KIF1C: variants seen among roughly 807,000 people sequenced by gnomAD.
KIF1C encodes the protein kinesin family member 1C, also known as kinesin-like protein KIF1C.
A neutral mutation model predicts 126.5 loss-of-function variants in KIF1C; 61 were observed. The ratio of observed to expected loss-of-function variants is 0.48; its 90% CI spans 0.39 to 0.60. The LOEUF is 0.60. KIF1C is among the 20% of genes least tolerant of loss of function. The probability of loss-of-function intolerance (pLI) is 0.00; values close to 1 mark genes in which losing one functional copy is unlikely to be tolerated. For synonymous variants in KIF1C, 640 were observed against 580.6 expected (o/e 1.10, Z -1.47); for missense variants, 1,315 against 1,489.2 (o/e 0.88, Z 1.93).
chr17:5,000,206 T>C lies in KIF1C; in HGVS notation c.-27-14T>C. 6.9e-7 allele frequency: 1 copy of C among 1,444,258 alleles called. No individual in the cohort carries two copies. Among genetic ancestry groups the C allele is most frequent in the South Asian group, 1.2e-5 (1 of 81,862 alleles). The allele number at this position is 1,444,258 out of a possible 1,614,324, so 89.5% of individuals were successfully genotyped here. The stretch of plus-strand genomic sequence containing the variant: ...AGTGGTTCTGACCCCACCACTCCTT[T>C]CTCTGTCCTCCAGCTGAGGAGGGCA... On this transcript the variant is annotated splice_polypyrimidine_tract_variant and intron_variant, in intron 2 of 22. Coordinates refer to ENST00000320785, the MANE Select transcript of KIF1C (RefSeq NM_006612.6).
Position 5,020,505 on chromosome 17 carries a change from G to A in KIF1C, c.1764G>A (p.Val588=). 1 of 1,613,442 alleles carries A rather than the reference G, an allele frequency of 6.2e-7. No individual in the cohort carries two copies. Among genetic ancestry groups the A allele is most frequent in the Non-Finnish European group, 8.5e-7 (1 of 1,179,660 alleles). The change falls in exon 20 of 23, where the codon GTG becomes GTA. Residue 588 remains valine (V), a synonymous_variant. Coordinates refer to ENST00000320785, the MANE Select transcript of KIF1C (RefSeq NM_006612.6). The surrounding 1 kb of genome is among the most constrained non-coding windows in gnomAD (Gnocchi z 5.8). ...PLVLKSGNRI[V]MGKNHVFRFN... ...TCCCATCTCTAGGGAATAGGATTGT[G>A]ATGGGCAAGAACCACGTTTTCCGCT... is the stretch of plus-strand genomic sequence containing the variant.
chr17:5,004,997 G>A lies in KIF1C; in HGVS notation c.1162G>A (p.Glu388Lys). The change falls in exon 13 of 23, where the codon GAA (glutamate) becomes AAA (lysine). Residue 388 changes from glutamate (E) to lysine (K), a missense_variant. Glu to Lys is a moderately conservative substitution (Grantham distance 56). This residue lies in a region of KIF1C where 874 missense variants were observed against 1,053.2 expected (regional missense o/e 0.83). Transcript: ENST00000320785. ...TCAGGGACTGTCAGCCTCTGCTCTG[G>A]AAGGTCGAGGTTCCAGGGAGGGGCA... is the stretch of plus-strand genomic sequence containing the variant. ...MAQGLSASAL[E>K]GLKTEEGSVR... 1.2e-6 allele frequency: 2 copies of A among 1,614,206 alleles called. No individual in the cohort carries two copies.
Position 5,024,357 on chromosome 17 carries a change from G to A in KIF1C, c.*206G>A, listed in dbSNP as rs1414109180. The A allele has an allele frequency of 2.2e-6, 1 of 459,028 alleles. No individual in the cohort carries two copies. The highest frequency in any genetic ancestry group is 3.8e-6 in the Non-Finnish European group (1 of 260,174). 28.4% of individuals were successfully genotyped at this position (459,028 alleles called of 1,614,324 possible). On this transcript the variant is annotated 3_prime_UTR_variant, in exon 23 of 23. Transcript: ENST00000320785. ...ACGGAGTTGCCAGGAGCAAACCAAA[G>A]TGAAGAGAGAGATAGGAAGCTGCCT...
intron 18 of KIF1C, among the ~76,000 whole-genome samples, chr17:5,016,913 A>G (rs1974982991): frequency 6.6e-6 from 1 of 151,996 alleles, no homozygotes; most frequent in Non-Finnish European, 1.5e-5. Flanking sequence ...CAAAAAAAAA[A>G]AAAAAAAGAC....
In KIF1C at chr17:5,012,467, T is replaced by C. The variant is rs144387838; in HGVS notation, c.1492-1186T>C. ...TGCTCAGGGGTCCGCTGAGTGGAAG[T>C]ACAGAGTCTGGGAGAGAGCCTGGGA... is the stretch of plus-strand genomic sequence containing the variant. On this transcript the variant is annotated intron_variant, in intron 16 of 22. Transcript: ENST00000320785. 3.5e-3 allele frequency among the ~76,000 whole-genome samples: 528 copies of C among 151,878 alleles called. 5 individuals are homozygous for C. Among genetic ancestry groups the C allele is most frequent in the African/African-American group, 0.012 (511 of 41,398 alleles).
At position 5,025,786 on chromosome 17, in the gene KIF1C, C is replaced by G. The variant is rs1453331821; in HGVS notation, c.*1635C>G. ...AGTGAGCTGAGATTGCGCCACTGCA[C>G]TCCAGCCTGGGCGACAGAGCGAGAC... is the stretch of plus-strand genomic sequence containing the variant. On this transcript the variant is annotated 3_prime_UTR_variant, in exon 23 of 23. Coordinates refer to ENST00000320785, the MANE Select transcript of KIF1C (RefSeq NM_006612.6). 2.0e-5 allele frequency: 3 copies of G among 152,248 alleles called. No homozygotes were observed. Among genetic ancestry groups the G allele is most frequent in the Non-Finnish European group, 2.9e-5 (2 of 68,078 alleles). 9.4% of individuals were successfully genotyped at this position (152,248 alleles called of 1,614,324 possible). A position where few individuals can be genotyped will look rare whatever the true frequency, so the allele number is the denominator to read the frequency against.
At position 5,024,428 on chromosome 17, in the gene KIF1C, T is replaced by C. The variant is rs1005090673; in HGVS notation, c.*277T>C. ...GGGGTGTGTCCCACAAACGCTGCTATGGGTGGGGTGGGGGGCTGGGGTGCT... is the reference window on the plus strand; with the variant it reads ...GGGGTGTGTCCCACAAACGCTGCTACGGGTGGGGTGGGGGGCTGGGGTGCT... On this transcript the variant is annotated 3_prime_UTR_variant, in exon 23 of 23. Transcript: ENST00000320785. The C allele has an allele frequency of 4.8e-6, 1 of 206,786 alleles. No homozygotes were observed. The highest frequency in any genetic ancestry group is 8.3e-6 in the Non-Finnish European group (1 of 120,404). 12.8% of individuals were successfully genotyped at this position (206,786 alleles called of 1,614,324 possible).
Position 5,028,339 on chromosome 17 carries a change from GT to G in KIF1C, c.*4194del, listed in dbSNP as rs1295657768. ...ATATGTTGGTTATTCTTTTAGACAT[GT>G]TTTTTGTTGTTGTTGTCACCTGGAA... is the stretch of plus-strand genomic sequence containing the variant. On this transcript the variant is annotated 3_prime_UTR_variant, in exon 23 of 23. Transcript: ENST00000320785. 1.3e-5 allele frequency: 2 copies of G among 152,062 alleles called. No homozygotes were observed. Among genetic ancestry groups the G allele is most frequent in the African/African-American group, 4.8e-5 (2 of 41,424 alleles). 9.4% of individuals were successfully genotyped at this position (152,062 alleles called of 1,614,324 possible). A position where few individuals can be genotyped will look rare whatever the true frequency, so the allele number is the denominator to read the frequency against.
At chr17:5,010,920 C>T (rs1398250065) in intron 16 of KIF1C, among the ~76,000 whole-genome samples, 1 of 151,588 alleles carries the variant, frequency 6.6e-6, no homozygotes. Context: ...ACGCCATTCT[C>T]CTGCCTCAGC....
At position 5,020,170 on chromosome 17, in the gene KIF1C, G is replaced by A. The variant is rs979697491; in HGVS notation, c.1750+91G>A. ...TCCTTCTGGGTGCATCCTAGAGGAG[G>A]ACCCTGAAATACATCAGAAATAGCA... On this transcript the variant is annotated intron_variant, in intron 19 of 22. Coordinates refer to ENST00000320785, the MANE Select transcript of KIF1C (RefSeq NM_006612.6). This position sits in a 1 kb window ranked among gnomAD's most constrained non-coding sequence, Gnocchi z 5.8. 2 of 947,532 alleles carry A rather than the reference G, an allele frequency of 2.1e-6. No individual in the cohort carries two copies. The highest frequency in any genetic ancestry group is 3.4e-6 in the Non-Finnish European group (2 of 595,896). 58.7% of individuals were successfully genotyped at this position (947,532 alleles called of 1,614,324 possible). A position where few individuals can be genotyped will look rare whatever the true frequency, so the allele number is the denominator to read the frequency against.
rs746348476 is a variant in KIF1C, at chr17:5,022,592, C to T, written c.2511C>T (p.Ile837=). ...AGGTGGAGGACCTCCGGGCCCACAT[C>T]GACAAGCTGACGGGGATTCTGCAGG... ...GAEVEDLRAH[I]DKLTGILQEV... Residue 837 remains isoleucine, a synonymous_variant, in exon 22 of 23, where the codon ATC becomes ATT. Transcript: ENST00000320785. The surrounding 1 kb of genome is among the most constrained non-coding windows in gnomAD (Gnocchi z 4.9). 1.5e-5 allele frequency: 24 copies of T among 1,602,990 alleles called. No individual in the cohort carries two copies. Among genetic ancestry groups the T allele is most frequent in the South Asian group, 9.0e-5 (8 of 89,232 alleles).
chr17:5,007,423 G>A (rs1436857773), intron 15 of KIF1C, 44 bp from the exon 16 acceptor site: 3 of 1,611,814 alleles, frequency 1.9e-6, no homozygotes, highest in Non-Finnish European at 2.5e-6. Flanking sequence ...GGAGGTCACG[G>A]GCAGTGAAGG....
At position 5,022,287 on chromosome 17, in the gene KIF1C, G is replaced by A; in HGVS notation, c.2206G>A (p.Gly736Ser). ...YQIPQRRRLQGKDPRWATMAD... is the reference protein window; with the variant it reads ...YQIPQRRRLQSKDPRWATMAD... The stretch of plus-strand genomic sequence containing the variant: ...GATCCCCCAGCGACGCAGGCTGCAG[G>A]GCAAAGACCCCCGCTGGGCCACCAT... Residue 736 changes from glycine (G) to serine (S), a missense_variant, in exon 22 of 23, where the codon GGC (glycine) becomes AGC (serine). Physicochemically the swap from Gly to Ser is moderately conservative, Grantham distance 56 (BLOSUM62 0). Around this residue, in one of 2 missense-constraint regions of KIF1C, gnomAD observed 874 missense variants for 1,053.2 expected, o/e 0.83. Coordinates refer to ENST00000320785, the MANE Select transcript of KIF1C (RefSeq NM_006612.6). This position sits in a 1 kb window ranked among gnomAD's most constrained non-coding sequence, Gnocchi z 4.9. 6.2e-7 allele frequency: 1 copy of A among 1,613,492 alleles called. No individual in the cohort carries two copies. The highest frequency in any genetic ancestry group is 1.1e-5 in the South Asian group (1 of 90,982).
intron 5 of KIF1C, 137 bp downstream of exon 5, chr17:5,001,538 C>A: frequency 1.1e-6 from 1 of 880,086 alleles, no homozygotes; most frequent in Non-Finnish European, 1.7e-6. Context: ...TAGAGGTTGA[C>A]TGCAAGCTGG....
At position 5,022,173 on chromosome 17, in the gene KIF1C, C is replaced by A. The variant is rs771713573; in HGVS notation, c.2092C>A (p.Gln698Lys). Residue 698 changes from glutamine (Q) to lysine (K), a missense_variant, in exon 22 of 23, where the codon CAG (glutamine) becomes AAG (lysine). By Grantham distance (53) the Gln-to-Lys change is moderately conservative (BLOSUM62 1). Transcript: ENST00000320785. The surrounding 1 kb of genome is among the most constrained non-coding windows in gnomAD (Gnocchi z 4.9). ...GAGGCTCATCTCCTCCTTGCGGGAGCAGCTGCCGCCCACCACGGTCCAGAC... is the reference window on the plus strand; with the variant it reads ...GAGGCTCATCTCCTCCTTGCGGGAGAAGCTGCCGCCCACCACGGTCCAGAC... ...SWRLISSLRE[Q>K]LPPTTVQTIV... The A allele has an allele frequency of 1.9e-6, 3 of 1,613,896 alleles. No individual in the cohort carries two copies. The Admixed American group carries it at 5.0e-5, about 27-fold the overall frequency.
At chr17:5,007,977 G>A (rs991847902) in intron 16 of KIF1C, among the ~76,000 whole-genome samples, 3 of 152,190 alleles carry the variant, frequency 2.0e-5, no homozygotes, top group Admixed American at 6.5e-5. Flanking sequence ...TATAGATGGA[G>A]GCACCCGTGT....
At chr17:5,021,241 C>T (rs1319456439) in intron 21 of KIF1C, among the ~76,000 whole-genome samples, 3 of 129,632 alleles carry the variant, frequency 2.3e-5, no homozygotes, top group South Asian at 2.6e-4. Flanking sequence ...GGGATGATCT[C>T]GACTTACTGT....
rs1168760173 is a variant in KIF1C at position 5,001,313 on chromosome 17, G to A, written c.275G>A (p.Cys92Tyr). 1.2e-6 allele frequency: 2 copies of A among 1,614,180 alleles called. No individual in the cohort carries two copies. The highest frequency in any genetic ancestry group is 1.7e-6 in the Non-Finnish European group (2 of 1,179,992). The change falls in exon 5 of 23, where the codon TGC becomes TAC. Residue 92 changes from cysteine (C) to tyrosine (Y), a missense_variant. Around this residue, in one of 2 missense-constraint regions of KIF1C, gnomAD observed 874 missense variants for 1,053.2 expected, o/e 0.83. Coordinates refer to ENST00000320785, the MANE Select transcript of KIF1C (RefSeq NM_006612.6). ...CACGCCTTTGAAGGCTACAACGTGTGCATCTTTGCCTATGGGCAGACCGGG... is the reference window on the plus strand; with the variant it reads ...CACGCCTTTGAAGGCTACAACGTGTACATCTTTGCCTATGGGCAGACCGGG... ...LLHAFEGYNV[C>Y]IFAYGQTGAG...
chr17:5,023,790 A>AC lies in KIF1C; in HGVS notation c.2956dup (p.Gln986ProfsTer22). 1 of 1,518,704 alleles carries AC rather than the reference A, an allele frequency of 6.6e-7. No individual in the cohort carries two copies. The highest frequency in any genetic ancestry group is 8.8e-7 in the Non-Finnish European group (1 of 1,135,602). The allele number at this position is 1,518,704 out of a possible 1,614,324, so 94.1% of individuals were successfully genotyped here. On this transcript the variant is annotated frameshift_variant, in exon 23 of 23. Coordinates refer to ENST00000320785, the MANE Select transcript of KIF1C (RefSeq NM_006612.6). LOFTEE classifies it high-confidence loss of function. The surrounding 1 kb of genome is among the most constrained non-coding windows in gnomAD (Gnocchi z 4.2). Reference sequence around the variant, plus strand: ...AAGCTACGCTTCCCCTTCAAGAGCAACCCCCAGCACCGGGAGTCTTGGCCA... The same window carrying AC: ...AAGCTACGCTTCCCCTTCAAGAGCAACCCCCCAGCACCGGGAGTCTTGGCCA...
Sources: gnomAD v4.1 joint callset for allele counts (sites outside exome capture counted in the v4.1 genomes callset) on GRCh38, gnomAD v4.1.1 for gene constraint, gnomAD v4.1.1 regional missense constraint, Gnocchi (gnomAD v3.1) non-coding constraint, MANE v1.5 for transcripts, NCBI Gene and HGNC (gene_info 2026-07-23, HGNC 2026-07-21) for gene names.